UTRN: variants seen among roughly 807,000 people sequenced by gnomAD.
The protein encoded by UTRN is utrophin, also known as dystrophin-related protein 1.
In UTRN, 283 loss-of-function variants were observed where a neutral mutation model predicts 463.9. The observed-to-expected ratio is 0.61, with a 90% confidence interval of 0.55 to 0.67. UTRN has a LOEUF of 0.67. Ranked by LOEUF, UTRN falls within the 30% of genes least tolerant of loss-of-function variation. The pLI, the probability that UTRN is intolerant of heterozygous loss-of-function variation, is 0.00. For missense variants in UTRN, 3,922 were observed against 4,084.3 expected, an observed-to-expected ratio of 0.96 and a Z score of 1.08; for synonymous variants, 1,442 against 1,431.5, an observed-to-expected ratio of 1.01 and a Z score of -0.17.
intron 2 of UTRN, among the ~76,000 whole-genome samples, chr6:144,369,442 C>T (rs187318828): frequency 1.3e-5 from 2 of 152,160 alleles, no homozygotes; most frequent in African/African-American, 4.8e-5. Flanking sequence ...CATGGTAAAA[C>T]CCCGTCTTTA....
chr6:144,452,069 T>C (rs971848918), intron 18 of UTRN, among the ~76,000 whole-genome samples: 1 of 152,196 alleles, frequency 6.6e-6, no homozygotes, highest in Non-Finnish European at 1.5e-5. Context: ...TTTGGGCACC[T>C]GGGTAGAGAA....
At chr6:144,638,179 T>TA (rs1470489753) in intron 51 of UTRN, among the ~76,000 whole-genome samples, 12 of 152,178 alleles carry the variant, frequency 7.9e-5, no homozygotes, top group Non-Finnish European at 1.2e-4. Flanking sequence ...AGCACTGTTT[T>TA]AAAAAAACCA....
chr6:144,658,550 C>A (rs934678971), intron 51 of UTRN, among the ~76,000 whole-genome samples: 7 of 151,912 alleles, frequency 4.6e-5, no homozygotes, highest in Non-Finnish European at 1.5e-5. Flanking sequence ...TTCCCCCCCC[C>A]ACTTTGGTCT....
intron 2 of UTRN, among the ~76,000 whole-genome samples, chr6:144,294,578 T>C (rs1382744954): frequency 1.3e-5 from 2 of 151,776 alleles, no homozygotes; most frequent in Non-Finnish European, 2.9e-5. Context: ...CCTCATCTGC[T>C]CTTCCAGGTT....
chr6:144,321,253 T>C (rs2114582802), intron 2 of UTRN, among the ~76,000 whole-genome samples: 1 of 152,294 alleles, frequency 6.6e-6, no homozygotes, highest in East Asian at 1.9e-4. Context: ...CATATCTGGG[T>C]ATATGTGTTT....
chr6:144,765,031 C>G (rs1258162406), intron 58 of UTRN, among the ~76,000 whole-genome samples: 8 of 140,818 alleles, frequency 5.7e-5, no homozygotes, highest in African/African-American at 2.0e-4. Context: ...TTGAGAGTCA[C>G]GGAGATGAGG....
chr6:144,462,106 T>G (rs969032429), intron 22 of UTRN, among the ~76,000 whole-genome samples: 1 of 152,076 alleles, frequency 6.6e-6, no homozygotes, highest in Non-Finnish European at 1.5e-5. Flanking sequence ...TTCCCCACCA[T>G]GTGTCCGTAT....
At chr6:144,833,158 CCT>C (rs1370760208) in intron 69 of UTRN, among the ~76,000 whole-genome samples, 37 of 152,054 alleles carry the variant, frequency 2.4e-4, no homozygotes, top group Admixed American at 2.0e-3. Context: ...AATAAGTTTA[CCT>C]CTATTTTTAT....
At chr6:144,603,250 T>G (rs1436954330) in intron 51 of UTRN, among the ~76,000 whole-genome samples, 3 of 152,220 alleles carry the variant, frequency 2.0e-5, no homozygotes, top group Non-Finnish European at 2.9e-5. Flanking sequence ...AATGAATTTT[T>G]TATGCATATC....
rs1046047170 is a variant in UTRN at position 144,531,175 on chromosome 6, C to T, written c.6030C>T (p.Asp2010=). 5 of 1,613,850 alleles carry T rather than the reference C, an allele frequency of 3.1e-6. No individual in the cohort carries two copies. The highest frequency in any genetic ancestry group is 1.3e-5 in the African/African-American group (1 of 75,004). ...CCTGTGCTCCAGGTGGCAGCCTGGA[C>T]TTAGAGAAAGCCAGGATACATCAGC... ...VDTCAPGGSL[D]LEKARIHQQE... The change falls in exon 42 of 75, where the codon GAC becomes GAT. Residue 2010 remains aspartate (D), a synonymous_variant. Transcript: ENST00000367545.
At chr6:144,338,950 T>A (rs1279771469) in intron 2 of UTRN, among the ~76,000 whole-genome samples, 1 of 152,250 alleles carries the variant, frequency 6.6e-6, no homozygotes. Context: ...ATGTCAGGCA[T>A]CCTTCATAAA....
At chr6:144,592,464 A>G (rs2128632393) in intron 51 of UTRN, among the ~76,000 whole-genome samples, 1 of 152,082 alleles carries the variant, frequency 6.6e-6, no homozygotes, top group Non-Finnish European at 1.5e-5. Context: ...TCCACCTCCC[A>G]GGTTCAAGTG....
intron 51 of UTRN, among the ~76,000 whole-genome samples, chr6:144,585,777 A>T (rs955352269): frequency 3.9e-5 from 6 of 152,138 alleles, no homozygotes; most frequent in African/African-American, 1.2e-4. Flanking sequence ...ATTAAATTGT[A>T]AATGCTGTCT....
chr6:144,678,959 T>C (rs879576916), intron 52 of UTRN, among the ~76,000 whole-genome samples: 2 of 152,118 alleles, frequency 1.3e-5, no homozygotes, highest in Middle Eastern at 3.2e-3. Flanking sequence ...CATTATTTCT[T>C]CTATGAGGAA....
At chr6:144,448,843 A>G in intron 17 of UTRN, 74 bp downstream of exon 17, 2 of 1,499,294 alleles carry the variant, frequency 1.3e-6, no homozygotes, top group Non-Finnish European at 1.8e-6. Context: ...CCTATTTTGT[A>G]CTAATCATTA....
rs559088648 is a variant in UTRN at position 144,374,837 on chromosome 6, T to C, written c.80-28286T>C. ...GGCCTGCGCCTGTAATCCCAGGTACTTGGGTGACTGAGGCAGGAGAATCAC... is the reference window on the plus strand; with the variant it reads ...GGCCTGCGCCTGTAATCCCAGGTACCTGGGTGACTGAGGCAGGAGAATCAC... On this transcript the variant is annotated intron_variant, in intron 2 of 74. Transcript: ENST00000367545. Among the ~76,000 whole-genome samples the C allele has an allele frequency of 1.3e-4, 19 of 151,432 alleles. 1 individual carries two copies. In the East Asian group the frequency reaches 3.8e-3, roughly 30 times the overall value.
intron 3 of UTRN, among the ~76,000 whole-genome samples, chr6:144,411,344 C>G (rs1584671415): frequency 6.6e-6 from 1 of 152,172 alleles, no homozygotes; most frequent in South Asian, 2.1e-4. Context: ...TCTTGTTGCC[C>G]ATTTGTATAT....
chr6:144,755,399 G>A (rs1424575813), intron 57 of UTRN, among the ~76,000 whole-genome samples: 3 of 152,144 alleles, frequency 2.0e-5, no homozygotes, highest in African/African-American at 4.8e-5. Flanking sequence ...AACAATTTGA[G>A]CTTCTACTTT....
At chr6:144,602,105 A>C (rs533418057) in intron 51 of UTRN, among the ~76,000 whole-genome samples, 1 of 152,242 alleles carries the variant, frequency 6.6e-6, no homozygotes, top group South Asian at 2.1e-4. Flanking sequence ...TGATATAAAG[A>C]AGAGTTAAAT....
Sources: allele counts gnomAD v4.1 joint callset (sites outside exome capture counted in the v4.1 genomes callset), GRCh38; gene constraint gnomAD v4.1.1; transcripts MANE v1.5; gene names NCBI Gene and HGNC (gene_info 2026-07-23, HGNC 2026-07-21).